The following PTPRG variants were observed in gnomAD, a reference collection of about 807,000 sequenced individuals.
PTPRG encodes protein tyrosine phosphatase receptor type G.
PTPRG carries 102 observed loss-of-function variants against 165.3 expected under a neutral mutation model. That is an observed-to-expected ratio of 0.62 (90% confidence interval 0.53 to 0.73). The LOEUF (loss-of-function observed/expected upper bound fraction) is 0.73. PTPRG is among the 30% of genes least tolerant of loss of function. The pLI is 0.00. For missense variants in PTPRG, 1,866 were observed against 1,861.4 expected, an observed-to-expected ratio of 1.00 and a Z score of -0.05; for synonymous variants, 675 against 669.5, an observed-to-expected ratio of 1.01 and a Z score of -0.13.
intron 6 of PTPRG, among the ~76,000 whole-genome samples, chr3:62,148,244 G>C (rs1704195908): frequency 6.6e-6 from 1 of 152,174 alleles, no homozygotes; most frequent in African/African-American, 2.4e-5. Flanking sequence ...CATCTCTATG[G>C]AGGGTGGTGG....
intron 2 of PTPRG, among the ~76,000 whole-genome samples, chr3:61,939,684 T>C (rs1383657676): frequency 2.0e-5 from 3 of 152,182 alleles, no homozygotes; most frequent in Admixed American, 2.0e-4. Flanking sequence ...AAAGGTCCAA[T>C]AAAATGTTAG....
At chr3:61,708,599 C>T (rs535582931) in intron 1 of PTPRG, among the ~76,000 whole-genome samples, 26 of 151,730 alleles carry the variant, frequency 1.7e-4, no homozygotes, top group African/African-American at 5.6e-4. Context: ...GGACTACAGG[C>T]GCCTGCCACC....
chr3:61,852,761 C>G (rs958955921), intron 2 of PTPRG, among the ~76,000 whole-genome samples: 1 of 152,014 alleles, frequency 6.6e-6, no homozygotes, highest in African/African-American at 2.4e-5. Flanking sequence ...GCTTTGAGGG[C>G]CATGTGTGAA....
intron 2 of PTPRG, among the ~76,000 whole-genome samples, chr3:61,827,839 A>T (rs1479457367): frequency 6.6e-6 from 1 of 152,174 alleles, no homozygotes; most frequent in Admixed American, 6.5e-5. Flanking sequence ...AAGAGATTAG[A>T]TATTATATTT....
intron 2 of PTPRG, among the ~76,000 whole-genome samples, chr3:61,818,522 G>A (rs1228902823): frequency 6.6e-6 from 1 of 152,092 alleles, no homozygotes; most frequent in Non-Finnish European, 1.5e-5. Flanking sequence ...TGTTTAGGTG[G>A]GTGTGGTGTC....
chr3:62,140,335 A>G (rs1703875923), intron 6 of PTPRG, among the ~76,000 whole-genome samples: 1 of 152,256 alleles, frequency 6.6e-6, no homozygotes, highest in South Asian at 2.1e-4. Context: ...TATTCATAAT[A>G]GCCACAAACT....
chr3:61,682,436 G>T (rs1703481788), intron 1 of PTPRG, among the ~76,000 whole-genome samples: 1 of 152,158 alleles, frequency 6.6e-6, no homozygotes, highest in Non-Finnish European at 1.5e-5. Context: ...ACAGTAATGG[G>T]TATGGGTGAT....
intron 20 of PTPRG, among the ~76,000 whole-genome samples, chr3:62,270,189 T>A (rs1702015052): frequency 6.8e-6 from 1 of 146,502 alleles, no homozygotes; most frequent in Non-Finnish European, 1.5e-5. Context: ...AATGGGATAA[T>A]TTTTTTTTTT....
chr3:61,786,111 C>A (rs2034692640), intron 2 of PTPRG, among the ~76,000 whole-genome samples: 1 of 152,188 alleles, frequency 6.6e-6, no homozygotes, highest in African/African-American at 2.4e-5. Flanking sequence ...TTTTTCTCAT[C>A]ATTTACTATG....
At chr3:62,078,887 A>G (rs1326060704) in intron 5 of PTPRG, among the ~76,000 whole-genome samples, 2 of 152,224 alleles carry the variant, frequency 1.3e-5, no homozygotes, top group Non-Finnish European at 2.9e-5. Context: ...GTCAAATCAA[A>G]GTAGTGTTGA....
intron 1 of PTPRG, among the ~76,000 whole-genome samples, chr3:61,686,661 G>A (rs1359214425): frequency 1.3e-5 from 2 of 152,158 alleles, no homozygotes; most frequent in East Asian, 3.8e-4. Context: ...CATTAATAGG[G>A]GCTGTTTTAA....
chr3:61,915,967 T>A (rs115580232), intron 2 of PTPRG, among the ~76,000 whole-genome samples: 1 of 152,332 alleles, frequency 6.6e-6, no homozygotes, highest in Non-Finnish European at 1.5e-5. Flanking sequence ...TGGGTGTGGG[T>A]CACTTTGCAC....
intron 2 of PTPRG, among the ~76,000 whole-genome samples, chr3:61,940,068 TC>T (rs2039581821): frequency 6.7e-6 from 1 of 148,454 alleles, no homozygotes; most frequent in Admixed American, 6.8e-5. Flanking sequence ...TGCCTCAGCC[TC>T]CTGAGTAGCA....
intron 16 of PTPRG, among the ~76,000 whole-genome samples, chr3:62,256,761 T>C (rs1232264913): frequency 6.6e-6 from 1 of 152,174 alleles, no homozygotes; most frequent in African/African-American, 2.4e-5. Flanking sequence ...TTATTTATGA[T>C]TTGAGACCCC....
chr3:61,963,136 G>A (rs1467386536), intron 2 of PTPRG, among the ~76,000 whole-genome samples: 2 of 151,928 alleles, frequency 1.3e-5, no homozygotes, highest in African/African-American at 2.4e-5. Flanking sequence ...TTAATAAAAG[G>A]TAGCATACTA....
At chr3:62,027,795 T>C (rs1197243606) in intron 4 of PTPRG, among the ~76,000 whole-genome samples, 2 of 152,180 alleles carry the variant, frequency 1.3e-5, no homozygotes, top group Non-Finnish European at 2.9e-5. Flanking sequence ...ATTTGCTAAA[T>C]GATCACCCAG....
chr3:62,038,439 C>A (rs982447492), intron 4 of PTPRG, among the ~76,000 whole-genome samples: 7 of 151,986 alleles, frequency 4.6e-5, no homozygotes, highest in African/African-American at 1.2e-4. Context: ...GCTCTGTCAC[C>A]CAGGTTGGAG....
chr3:61,600,711 T>C (rs1190740712), intron 1 of PTPRG, among the ~76,000 whole-genome samples: 4 of 152,130 alleles, frequency 2.6e-5, no homozygotes, highest in Non-Finnish European at 5.9e-5. Context: ...GGCTCATTTT[T>C]AATTTTTTTG....
At chr3:61,893,073 C>T (rs372033919) in intron 2 of PTPRG, among the ~76,000 whole-genome samples, 3 of 152,100 alleles carry the variant, frequency 2.0e-5, no homozygotes, top group South Asian at 2.1e-4. Context: ...ATGGGTGGCA[C>T]GTCATTATCG....
Sources: allele counts gnomAD v4.1 joint callset (sites outside exome capture counted in the v4.1 genomes callset), GRCh38; gene constraint gnomAD v4.1.1; transcripts MANE v1.5; gene names NCBI Gene and HGNC (gene_info 2026-07-23, HGNC 2026-07-21).